Variants in COL24A1 observed in about 807,000 individuals in gnomAD.
COL24A1 encodes collagen alpha-1(XXIV) chain.
A neutral mutation model predicts 253.9 loss-of-function variants in COL24A1; 224 were observed. The ratio of observed to expected loss-of-function variants is 0.88; its 90% CI spans 0.79 to 0.99. The LOEUF (loss-of-function observed/expected upper bound fraction) is 0.99. Among genes scored for constraint, COL24A1 ranks in the 50% least tolerant of loss-of-function variants. COL24A1 has a pLI of 0.00. For synonymous variants in COL24A1, 685 were observed against 673.7 expected (o/e 1.02, Z -0.26); for missense variants, 2,131 against 2,068.5 (o/e 1.03, Z -0.59).
At chr1:85,849,506 G>A (rs1312597644) in intron 37 of COL24A1, 100 bp from the exon 38 acceptor site, 11 of 919,048 alleles carry the variant, frequency 1.2e-5, no homozygotes, top group East Asian at 2.5e-5. Flanking sequence ...TGGATTGGAC[G>A]AGAAGTAAAA....
chr1:86,070,411 G>T (rs898868024), intron 7 of COL24A1, among the ~76,000 whole-genome samples: 2 of 152,158 alleles, frequency 1.3e-5, no homozygotes, highest in African/African-American at 2.4e-5. Flanking sequence ...GGGGTAGAAA[G>T]TTTATTGAAA....
chr1:86,083,217 G>A (rs895149967), intron 7 of COL24A1, among the ~76,000 whole-genome samples: 1 of 151,914 alleles, frequency 6.6e-6, no homozygotes, highest in African/African-American at 2.4e-5. Context: ...AAAATGGCGT[G>A]AACTCAGAAG....
chr1:85,774,691 T>G (rs1326190630), intron 53 of COL24A1, among the ~76,000 whole-genome samples: 1 of 152,224 alleles, frequency 6.6e-6, no homozygotes, highest in Non-Finnish European at 1.5e-5. Flanking sequence ...GTTAGTGGTT[T>G]GTATTTCTGT....
At chr1:85,890,508 C>G (rs137893532) in intron 31 of COL24A1, among the ~76,000 whole-genome samples, 262 of 150,516 alleles carry the variant, frequency 1.7e-3, no homozygotes, top group African/African-American at 5.7e-3. Flanking sequence ...TGTTGAGTAT[C>G]TTTTCATGTG....
intron 53 of COL24A1, among the ~76,000 whole-genome samples, chr1:85,766,065 AAT>A (rs896764129): frequency 6.6e-6 from 1 of 151,932 alleles, no homozygotes; most frequent in Admixed American, 6.6e-5. Flanking sequence ...CTCTGTTTAG[AAT>A]ATATATATAT....
intron 47 of COL24A1, among the ~76,000 whole-genome samples, chr1:85,814,181 A>G (rs1164140175): frequency 6.6e-6 from 1 of 152,132 alleles, no homozygotes; most frequent in African/African-American, 2.4e-5. Flanking sequence ...TGATATCCCA[A>G]AGTCCTAATT....
At chr1:86,048,786 G>T (rs956755615) in intron 11 of COL24A1, among the ~76,000 whole-genome samples, 1 of 152,094 alleles carries the variant, frequency 6.6e-6, no homozygotes, top group Non-Finnish European at 1.5e-5. Flanking sequence ...CACTGTGCCC[G>T]GCCAGGTCTT....
chr1:85,758,475 T>C (rs1558011592), intron 55 of COL24A1, among the ~76,000 whole-genome samples: 1 of 152,172 alleles, frequency 6.6e-6, no homozygotes. Context: ...TTTGACATCA[T>C]ATGGCATACT....
chr1:85,992,697 T>C (rs1334198242), intron 19 of COL24A1, among the ~76,000 whole-genome samples: 1 of 152,178 alleles, frequency 6.6e-6, no homozygotes, highest in Non-Finnish European at 1.5e-5. Flanking sequence ...AAAAATCTGA[T>C]AAAGATGCTC....
intron 20 of COL24A1, among the ~76,000 whole-genome samples, chr1:85,977,156 T>A (rs191829398): frequency 1.4e-3 from 213 of 152,248 alleles, no homozygotes; most frequent in African/African-American, 4.8e-3. Context: ...GGAAGCCCCA[T>A]TCCTAGAAGA....
intron 5 of COL24A1, among the ~76,000 whole-genome samples, chr1:86,096,748 G>C (rs780446019): frequency 6.6e-6 from 1 of 152,128 alleles, no homozygotes; most frequent in Non-Finnish European, 1.5e-5. Context: ...ATGTGACTAA[G>C]AGAAAAAATT....
intron 7 of COL24A1, among the ~76,000 whole-genome samples, chr1:86,087,201 A>G (rs1250222293): frequency 6.6e-6 from 1 of 152,166 alleles, no homozygotes; most frequent in Non-Finnish European, 1.5e-5. Context: ...GAAACAAGAA[A>G]TCTGTGAAAG....
chr1:85,817,133 GT>G (rs1673119302), intron 46 of COL24A1, among the ~76,000 whole-genome samples: 1 of 152,120 alleles, frequency 6.6e-6, no homozygotes, highest in African/African-American at 2.4e-5. Context: ...GCAATTTACT[GT>G]GTAACTTTTG....
At position 85,791,796 on chromosome 1, in the gene COL24A1, A is replaced by T. The variant is rs553773332; in HGVS notation, c.3952-5335T>A. Among the ~76,000 whole-genome samples the T allele has an allele frequency of 2.0e-5, 3 of 152,318 alleles. No homozygotes were observed. In the South Asian group the frequency reaches 6.2e-4, roughly 32 times the overall value. ...CTCATTACAGGCCAATATTAACAGC[A>T]TTAACAAGTGCAGAAAATTCTTACA... On this transcript the variant is annotated intron_variant, in intron 47 of 59. Transcript: ENST00000370571.
chr1:85,879,290 T>C (rs1010164066), intron 32 of COL24A1, among the ~76,000 whole-genome samples: 3 of 149,476 alleles, frequency 2.0e-5, no homozygotes, highest in Non-Finnish European at 4.5e-5. Flanking sequence ...AGGTGTAAGA[T>C]CTGCATCTAG....
At chr1:85,768,251 C>A (rs1230650812) in intron 53 of COL24A1, among the ~76,000 whole-genome samples, 1 of 152,026 alleles carries the variant, frequency 6.6e-6, no homozygotes, top group Non-Finnish European at 1.5e-5. Context: ...AAACAGGGGC[C>A]AGTTCATGTA....
intron 20 of COL24A1, among the ~76,000 whole-genome samples, chr1:85,975,671 T>A (rs1692601117): frequency 1.3e-5 from 2 of 152,170 alleles, no homozygotes; most frequent in East Asian, 3.9e-4. Context: ...GAGACTCACA[T>A]CATGGACTTT....
At chr1:85,797,440 A>G (rs1039465368) in intron 47 of COL24A1, among the ~76,000 whole-genome samples, 2 of 152,194 alleles carry the variant, frequency 1.3e-5, no homozygotes, top group Admixed American at 6.5e-5. Flanking sequence ...AAGTCCTAAA[A>G]GATCACCATA....
chr1:85,818,051 CAGA>C lies in COL24A1; in HGVS notation c.3823_3825del (p.Ser1275del), dbSNP rs766068528. On this transcript the variant is annotated inframe_deletion, in exon 46 of 60. Coordinates refer to ENST00000370571, the MANE Select transcript of COL24A1 (RefSeq NM_152890.7). The stretch of plus-strand genomic sequence containing the variant: ...TTACTTACAGGAATCCCAGGTTTCC[CAGA>C]AGGACCAGGAGCTCCTTTTTTCCCC... 3 of 1,613,636 alleles carry C rather than the reference CAGA, an allele frequency of 1.9e-6. No individual in the cohort carries two copies. In the South Asian group the frequency reaches 3.3e-5, roughly 18 times the overall value.
Sources: gnomAD v4.1 joint callset for allele counts (sites outside exome capture counted in the v4.1 genomes callset) on GRCh38, gnomAD v4.1.1 for gene constraint, MANE v1.5 for transcripts, NCBI Gene and HGNC (gene_info 2026-07-23, HGNC 2026-07-21) for gene names.